The following TBX15 variants were observed in gnomAD, a reference collection of about 807,000 sequenced individuals.
TBX15 encodes T-box transcription factor 15, also known as T-box transcription factor TBX15.
TBX15 carries 18 observed loss-of-function variants against 53.9 expected under a neutral mutation model. The ratio of observed to expected loss-of-function variants is 0.33; its 90% CI spans 0.23 to 0.49. The LOEUF is 0.49. Among genes scored for constraint, TBX15 ranks in the 20% least tolerant of loss-of-function variants. The pLI, the probability that TBX15 is intolerant of heterozygous loss-of-function variation, is 0.98. For missense variants in TBX15, 692 were observed against 749.5 expected (o/e 0.92, Z 0.90); for synonymous variants, 295 against 278.0 (o/e 1.06, Z -0.61).
intron 1 of TBX15, among the ~76,000 whole-genome samples, chr1:118,976,388 T>A (rs1657436241): frequency 6.6e-6 from 1 of 152,238 alleles, no homozygotes; most frequent in African/African-American, 2.4e-5. Context: ...GGCTGATTTT[T>A]CCCAGAATCC....
intron 6 of TBX15, chr1:118,901,476 A>G (rs1262579604): frequency 2.2e-6 from 1 of 451,110 alleles, no homozygotes; most frequent in Admixed American, 2.4e-5. Flanking sequence ...TTCAAACCAT[A>G]GCAGTTTCAT....
intron 1 of TBX15, among the ~76,000 whole-genome samples, chr1:118,967,324 T>C (rs926474956): frequency 6.6e-6 from 1 of 152,182 alleles, no homozygotes; most frequent in Non-Finnish European, 1.5e-5. Flanking sequence ...AGTGAATAAT[T>C]TCAAAAATGA....
intron 6 of TBX15, among the ~76,000 whole-genome samples, chr1:118,913,194 A>G (rs1304843426): frequency 6.6e-6 from 1 of 152,006 alleles, no homozygotes; most frequent in Non-Finnish European, 1.5e-5. Flanking sequence ...AACCCCTGGT[A>G]ATCTGTCATT....
Position 118,885,116 on chromosome 1 carries a change from G to C in TBX15, c.1425C>G (p.Ser475=). ...YGGQLGSFPT[S]QFQYVMQAGN... ...CTGCCTGCATGACATACTGAAACTGGGAAGTGGGAAAGGACCCCAGCTGGC... is the reference window on the plus strand; with the variant it reads ...CTGCCTGCATGACATACTGAAACTGCGAAGTGGGAAAGGACCCCAGCTGGC... Residue 475 remains serine (S), a synonymous_variant, in exon 8 of 8, where the codon TCC becomes TCG. Transcript: ENST00000369429. 6.2e-7 allele frequency: 1 copy of C among 1,614,166 alleles called. No homozygotes were observed. The highest frequency in any genetic ancestry group is 1.1e-5 in the South Asian group (1 of 91,074).
chr1:118,958,781 A>T (rs1656774522), intron 1 of TBX15, among the ~76,000 whole-genome samples: 1 of 151,742 alleles, frequency 6.6e-6, no homozygotes, highest in African/African-American at 2.4e-5. Context: ...ATTCCTACCA[A>T]CTCTACCCGG....
At chr1:118,941,817 T>A (rs1449773980) in intron 1 of TBX15, among the ~76,000 whole-genome samples, 3 of 152,094 alleles carry the variant, frequency 2.0e-5, no homozygotes, top group African/African-American at 7.2e-5. Context: ...TGCTGGGGCT[T>A]AGGATCCAAA....
At chr1:118,903,540 G>T (rs1425876303) in intron 6 of TBX15, among the ~76,000 whole-genome samples, 2 of 151,968 alleles carry the variant, frequency 1.3e-5, no homozygotes, top group African/African-American at 4.8e-5. Flanking sequence ...TTTCTCTTTA[G>T]TTCTGACTTC....
upstream of TBX15, among the ~76,000 whole-genome samples, chr1:118,988,813 A>C (rs1220540443): frequency 6.6e-6 from 1 of 152,260 alleles, no homozygotes; most frequent in Non-Finnish European, 1.5e-5. Context: ...ACAGGTTTTA[A>C]TGTTCCTACT....
At chr1:118,910,959 A>T (rs1240496760) in intron 6 of TBX15, among the ~76,000 whole-genome samples, 1 of 152,174 alleles carries the variant, frequency 6.6e-6, no homozygotes, top group Admixed American at 6.5e-5. Context: ...TTACTTGGAA[A>T]AGCAAAGGTG....
intron 7 of TBX15, among the ~76,000 whole-genome samples, chr1:118,886,907 G>A (rs1653963091): frequency 6.6e-6 from 1 of 152,200 alleles, no homozygotes; most frequent in African/African-American, 2.4e-5. Flanking sequence ...TATGATGTGT[G>A]AATGTTAGAG....
At chr1:118,981,076 G>A (rs189955682) in intron 1 of TBX15, among the ~76,000 whole-genome samples, 3 of 151,848 alleles carry the variant, frequency 2.0e-5, no homozygotes, top group Non-Finnish European at 2.9e-5. Context: ...CGTGATCCCC[G>A]CCCCCCGCCT....
In TBX15 at chr1:118,981,983, C is replaced by T. The variant is rs1033257852; in HGVS notation, c.205+5608G>A. Among the ~76,000 whole-genome samples, 22 of 152,170 alleles carry T rather than the reference C, an allele frequency of 1.4e-4. 1 individual carries two copies. Among genetic ancestry groups the T allele is most frequent in the Non-Finnish European group, 4.4e-5 (3 of 68,026 alleles). On this transcript the variant is annotated intron_variant, in intron 1 of 7. Transcript: ENST00000369429. ...CATTCCACCAGTTCCTTAGTTTTCC[C>T]TTTTGTGAAAAGTATCTCAAAAGGT...
At chr1:118,934,571 G>A (rs898002122) in intron 1 of TBX15, among the ~76,000 whole-genome samples, 3 of 152,188 alleles carry the variant, frequency 2.0e-5, no homozygotes, top group African/African-American at 7.2e-5. Flanking sequence ...CCAGCACTGT[G>A]CTAGATTCTG....
chr1:118,898,495 A>G (rs1479885213), intron 7 of TBX15, among the ~76,000 whole-genome samples: 1 of 152,148 alleles, frequency 6.6e-6, no homozygotes, highest in East Asian at 1.9e-4. Context: ...AAGTCTACTT[A>G]TTCCACCAAC....
intron 1 of TBX15, among the ~76,000 whole-genome samples, chr1:118,975,783 G>C (rs921866431): frequency 6.6e-6 from 1 of 152,190 alleles, no homozygotes; most frequent in Non-Finnish European, 1.5e-5. Context: ...TTAGAGTTGT[G>C]GACACTGAGC....
chr1:118,893,402 A>AAAGAAAGAAAGG (rs1654250068), intron 7 of TBX15, among the ~76,000 whole-genome samples: 1 of 125,648 alleles, frequency 8.0e-6, no homozygotes, highest in Non-Finnish European at 1.7e-5. Flanking sequence ...AGAAAGAAAG[A>AAAGAAAGAAAGG]AAGAAAGGAA....
intron 6 of TBX15, among the ~76,000 whole-genome samples, chr1:118,905,174 A>G (rs988137023): frequency 6.6e-6 from 1 of 152,220 alleles, no homozygotes; most frequent in Non-Finnish European, 1.5e-5. Flanking sequence ...GCTCTGGATT[A>G]AATGTGGAGG....
At chr1:118,938,523 T>G (rs940004608) in intron 1 of TBX15, among the ~76,000 whole-genome samples, 12 of 152,232 alleles carry the variant, frequency 7.9e-5, no homozygotes, top group African/African-American at 2.9e-4. Context: ...AGACAAAGGC[T>G]CAATGCCATT....
intron 2 of TBX15, among the ~76,000 whole-genome samples, chr1:118,926,876 G>T (rs368329538): frequency 0.017 from 403 of 24,002 alleles, 6 homozygotes; most frequent in African/African-American, 0.064. Context: ...CAGCTAATTT[G>T]TGTGTGTGTG....
Sources: gnomAD v4.1 joint callset for allele counts (sites outside exome capture counted in the v4.1 genomes callset) on GRCh38, gnomAD v4.1.1 for gene constraint, MANE v1.5 for transcripts, NCBI Gene and HGNC (gene_info 2026-07-23, HGNC 2026-07-21) for gene names.